Variants in CCDC158 observed in about 807,000 individuals in gnomAD.
The protein encoded by CCDC158 is coiled-coil domain containing 158, also known as coiled-coil domain-containing protein 158.
Under a neutral mutation model 138.6 loss-of-function variants are expected in CCDC158, and 116 were observed. The ratio of observed to expected loss-of-function variants is 0.84; its 90% CI spans 0.72 to 0.98. The LOEUF is 0.98. Among genes scored for constraint, CCDC158 ranks in the 50% least tolerant of loss-of-function variants. CCDC158 has a pLI of 0.00. For missense variants in CCDC158, 1,265 were observed against 1,306.1 expected, an observed-to-expected ratio of 0.97 and a Z score of 0.48; for synonymous variants, 436 against 442.4, an observed-to-expected ratio of 0.99 and a Z score of 0.18.
At chr4:76,344,374 A>G in intron 18 of CCDC158, among the ~76,000 whole-genome samples, 1 of 152,254 alleles carries the variant, frequency 6.6e-6, no homozygotes, top group East Asian at 1.9e-4. Context: ...CATGTAAGCC[A>G]TTAAATCTTT....
intron 4 of CCDC158, among the ~76,000 whole-genome samples, chr4:76,392,271 A>G (rs1000862399): frequency 1.4e-4 from 22 of 152,076 alleles, no homozygotes; most frequent in Non-Finnish European, 2.5e-4. Flanking sequence ...AAGATCATAT[A>G]TCATGACTAA....
intron 9 of CCDC158, among the ~76,000 whole-genome samples, chr4:76,374,737 C>T (rs780611239): frequency 4.8e-4 from 73 of 151,004 alleles, no homozygotes; most frequent in Non-Finnish European, 9.9e-4. Flanking sequence ...TATCCTTGAG[C>T]AAAGAAAATA....
chr4:76,316,595 CA>C (rs1719412475), intron 24 of CCDC158, among the ~76,000 whole-genome samples: 1 of 152,028 alleles, frequency 6.6e-6, no homozygotes, highest in Non-Finnish European at 1.5e-5. Context: ...CATTCAAATA[CA>C]AGAAGCTCAA....
chr4:76,397,419 T>G (rs1727921016), intron 3 of CCDC158, among the ~76,000 whole-genome samples: 1 of 152,122 alleles, frequency 6.6e-6, no homozygotes. Context: ...GAAAATAAAT[T>G]AAATACTAAC....
intron 14 of CCDC158, chr4:76,356,761 T>C (rs1039593007): frequency 2.6e-5 from 4 of 152,182 alleles, no homozygotes; most frequent in Admixed American, 2.0e-4. Flanking sequence ...AATGGAAAAG[T>C]ATATACTTTA....
chr4:76,420,267 C>G (rs1033070196), intron 1 of CCDC158, among the ~76,000 whole-genome samples: 2 of 152,114 alleles, frequency 1.3e-5, no homozygotes, highest in African/African-American at 2.4e-5. Flanking sequence ...CCCCGCCATA[C>G]CCGGCCACAA....
rs2110312665 is a variant in CCDC158 at position 76,384,543 on chromosome 4, C to T, written c.398+13G>A. On this transcript the variant is annotated intron_variant, in intron 5 of 24. Transcript: ENST00000682701. Reference sequence around the variant, plus strand: ...AAAATATGTGACTTTAAAATAATTTCACAAATCCCAACCTGATGTCAGCCA... The same window carrying T: ...AAAATATGTGACTTTAAAATAATTTTACAAATCCCAACCTGATGTCAGCCA... 1 of 1,594,752 alleles carries T rather than the reference C, an allele frequency of 6.3e-7. No homozygotes were observed. Among genetic ancestry groups the T allele is most frequent in the Non-Finnish European group, 8.5e-7 (1 of 1,171,720 alleles).
intron 8 of CCDC158, among the ~76,000 whole-genome samples, chr4:76,380,865 C>A (rs1001958763): frequency 6.6e-6 from 1 of 152,214 alleles, no homozygotes; most frequent in Non-Finnish European, 1.5e-5. Flanking sequence ...GTACATGGCA[C>A]CCTGTGTCCC....
intron 24 of CCDC158, among the ~76,000 whole-genome samples, chr4:76,313,592 A>G (rs1469430012): frequency 6.6e-6 from 1 of 152,142 alleles, no homozygotes; most frequent in South Asian, 2.1e-4. Flanking sequence ...GCCCAGCCTC[A>G]GTTGTTTTAA....
chr4:76,416,028 G>A (rs935737192), intron 1 of CCDC158, among the ~76,000 whole-genome samples: 23 of 152,194 alleles, frequency 1.5e-4, no homozygotes, highest in Non-Finnish European at 1.9e-4. Context: ...CTCCTAGTCC[G>A]CCTTCATCTT....
At chr4:76,377,005 A>G (rs779130104) in intron 9 of CCDC158, among the ~76,000 whole-genome samples, 4 of 152,252 alleles carry the variant, frequency 2.6e-5, no homozygotes, top group Non-Finnish European at 4.4e-5. Flanking sequence ...CATTCATGTA[A>G]AAAGCTTGCA....
At chr4:76,343,232 TCTTTA>T (rs997892681) in intron 18 of CCDC158, among the ~76,000 whole-genome samples, 27 of 152,190 alleles carry the variant, frequency 1.8e-4, no homozygotes, top group African/African-American at 6.3e-4. Flanking sequence ...AAGAGATCCC[TCTTTA>T]GGGAAACTGA....
chr4:76,420,688 C>G (rs1249891323), intron 1 of CCDC158, among the ~76,000 whole-genome samples: 1 of 152,188 alleles, frequency 6.6e-6, no homozygotes, highest in Admixed American at 6.5e-5. Context: ...GCAGGTTACT[C>G]GGTGATTCTC....
intron 12 of CCDC158, among the ~76,000 whole-genome samples, chr4:76,366,319 A>C (rs1724654102): frequency 6.6e-6 from 1 of 152,214 alleles, no homozygotes; most frequent in Non-Finnish European, 1.5e-5. Flanking sequence ...GAACTTGTTT[A>C]TTTCCATAAG....
At chr4:76,340,504 T>C (rs1006626783) in intron 18 of CCDC158, among the ~76,000 whole-genome samples, 32 of 152,258 alleles carry the variant, frequency 2.1e-4, no homozygotes, top group African/African-American at 7.0e-4. Context: ...TGGATTAAAG[T>C]CAAGGCAGAA....
chr4:76,345,212 A>T, intron 18 of CCDC158: 1 of 943,974 alleles, frequency 1.1e-6, no homozygotes, highest in Admixed American at 1.7e-5. Flanking sequence ...TTAGGAAAGT[A>T]GAGGGTCAAG....
chr4:76,379,392 T>G lies in CCDC158; in HGVS notation c.927A>C (p.Arg309Ser). The G allele has an allele frequency of 5.0e-6, 8 of 1,596,640 alleles. No homozygotes were observed. The highest frequency in any genetic ancestry group is 6.8e-6 in the Non-Finnish European group (8 of 1,173,200). The change falls in exon 9 of 25, where the codon AGA becomes AGC. Residue 309 changes from arginine (R) to serine (S), a missense_variant. By Grantham distance (110) the Arg-to-Ser change is moderately radical. Coordinates refer to ENST00000682701, the MANE Select transcript of CCDC158 (RefSeq NM_001394954.1). ...GACGCATATACATAGAGTTTTGGTT[T>G]CTTGCTTGCTCTCTAAGAAGAGTTT... Reference protein sequence around the residue: ...SQMEIIQEQARNQNSMYMRQL... With the variant: ...SQMEIIQEQASNQNSMYMRQL...
At chr4:76,350,585 A>G (rs1418699730) in intron 18 of CCDC158, among the ~76,000 whole-genome samples, 1 of 152,190 alleles carries the variant, frequency 6.6e-6, no homozygotes, top group Non-Finnish European at 1.5e-5. Flanking sequence ...ATTTTAATTA[A>G]AGGGAATAAA....
At chr4:76,418,615 C>T (rs1021774424) in intron 1 of CCDC158, among the ~76,000 whole-genome samples, 4 of 152,096 alleles carry the variant, frequency 2.6e-5, no homozygotes, top group East Asian at 1.9e-4. Flanking sequence ...TCTTATGTGG[C>T]GGCAGGCAAG....
Sources: allele counts gnomAD v4.1 joint callset (sites outside exome capture counted in the v4.1 genomes callset), GRCh38; gene constraint gnomAD v4.1.1; transcripts MANE v1.5; gene names NCBI Gene and HGNC (gene_info 2026-07-23, HGNC 2026-07-21).